Variants in HELZ observed in about 807,000 individuals in gnomAD.
HELZ encodes the protein ATP-dependent RNA helicase with zinc finger domain.
HELZ carries 23 observed loss-of-function variants against 218.2 expected under a neutral mutation model. That is an observed-to-expected ratio of 0.11 (90% CI 0.08 to 0.15). The LOEUF (loss-of-function observed/expected upper bound fraction) is 0.15. Among genes scored for constraint, HELZ ranks in the 10% least tolerant of loss-of-function variants. The pLI is 1.00. For synonymous variants in HELZ, 814 were observed against 829.4 expected, an observed-to-expected ratio of 0.98 and a Z score of 0.32; for missense variants, 1,813 against 2,353.7, an observed-to-expected ratio of 0.77 and a Z score of 4.75.
chr17:67,245,028 CCCCGGGGCCGCCGCG>C (rs1180874624), intron 1 of HELZ, 105 bp downstream of exon 1: 3 of 985,168 alleles, frequency 3.0e-6, no homozygotes, highest in Non-Finnish European at 3.6e-6. Context: ...CCCCAGCCTG[CCCCGGGGCCGCCGCG>C]CCCGGGGTCC....
Position 67,094,333 on chromosome 17 carries a change from A to AAAGAGAG in HELZ, c.5242-7253_5242-7252insCTCTCTT, listed in dbSNP as rs528061407. Reference sequence around the variant, plus strand: ...GGAGACCTGGTCTTGAAAAAAAAAAAAGAGAGAGAGAGAGAGAGAGATACA... The same window carrying AAAGAGAG: ...GGAGACCTGGTCTTGAAAAAAAAAAAAAGAGAGAGAGAGAGAGAGAGAGAGAGATACA... On this transcript the variant is annotated intron_variant, in intron 31 of 32. Coordinates refer to ENST00000358691, the MANE Select transcript of HELZ (RefSeq NM_014877.4). Among the ~76,000 whole-genome samples the AAAGAGAG allele has an allele frequency of 6.6e-4, 97 of 146,632 alleles. 1 individual carries two copies. Among genetic ancestry groups the AAAGAGAG allele is most frequent in the African/African-American group, 2.4e-3 (93 of 38,030 alleles).
chr17:67,245,941 C>G (rs1394679107), upstream of HELZ: 1 of 152,134 alleles, frequency 6.6e-6, no homozygotes, highest in Non-Finnish European at 1.5e-5. Flanking sequence ...TGGGAGCGTC[C>G]GGGCTGCGGA....
At chr17:67,142,218 T>A (rs1211192012) in intron 21 of HELZ, among the ~76,000 whole-genome samples, 2 of 151,546 alleles carry the variant, frequency 1.3e-5, no homozygotes, top group East Asian at 3.9e-4. Context: ...GTGAATGGAT[T>A]AAAAACCCCA....
intron 13 of HELZ, among the ~76,000 whole-genome samples, chr17:67,174,718 A>T (rs1014316730): frequency 6.6e-6 from 1 of 152,036 alleles, no homozygotes; most frequent in Non-Finnish European, 1.5e-5. Context: ...GAATCGCTTG[A>T]ACCCAGGAGG....
At chr17:67,137,382 G>A (rs2143949750) in intron 22 of HELZ, among the ~76,000 whole-genome samples, 1 of 152,248 alleles carries the variant, frequency 6.6e-6, no homozygotes, top group African/African-American at 2.4e-5. Context: ...TGGTACAGTA[G>A]AACTATTTTT....
In HELZ at chr17:67,167,712, T is replaced by C. The variant is rs779228574; in HGVS notation, c.1515A>G (p.Gly505=). The C allele has an allele frequency of 1.9e-6, 3 of 1,614,140 alleles. No individual in the cohort carries two copies. The highest frequency in any genetic ancestry group is 1.7e-6 in the Non-Finnish European group (2 of 1,180,014). The change falls in exon 14 of 33, where the codon GGA becomes GGG. Residue 505 remains glycine, a synonymous_variant. Coordinates refer to ENST00000358691, the MANE Select transcript of HELZ (RefSeq NM_014877.4). ...TAAGCTTAAAGCGACCAAAAAGTTG[T>C]CCATTCTGAGCATACTTTGCACCTC... ...VSGGAKYAQN[G]QLFGRFKLTE... is the part of the protein sequence containing the mutation.
chr17:67,188,463 T>G lies in HELZ; in HGVS notation c.1018A>C (p.Asn340His). ...TTATACACGTAATGATCTAATCCATTTTGGGCCATCTTTCCTCCTATCCAT... is the reference window on the plus strand; with the variant it reads ...TTATACACGTAATGATCTAATCCATGTTGGGCCATCTTTCCTCCTATCCAT... ...QEWIGGKMAQ[N>H]GLDHYVYKVG... The change falls in exon 12 of 33, where the codon AAT becomes CAT. Residue 340 changes from asparagine to histidine, a missense_variant. By Grantham distance (68) the Asn-to-His change is moderately conservative (BLOSUM62 1). Coordinates refer to ENST00000358691, the MANE Select transcript of HELZ (RefSeq NM_014877.4). The surrounding 1 kb of genome is among the most constrained non-coding windows in gnomAD (Gnocchi z 4.1). The G allele has an allele frequency of 6.2e-7, 1 of 1,613,992 alleles. No homozygotes were observed. Among genetic ancestry groups the G allele is most frequent in the Non-Finnish European group, 8.5e-7 (1 of 1,179,866 alleles).
rs1291891328 is a variant in HELZ at position 67,220,709 on chromosome 17, T to A, written c.-18-1887A>T. ...TCTCCCTATGTTGCCCAGCCTGGTA[T>A]CAAAACTCCTGGGCTCAAGCTGTCC... On this transcript the variant is annotated intron_variant, in intron 3 of 32. Coordinates refer to ENST00000358691, the MANE Select transcript of HELZ (RefSeq NM_014877.4). Among the ~76,000 whole-genome samples, 3 of 152,064 alleles carry A rather than the reference T, an allele frequency of 2.0e-5. No individual in the cohort carries two copies. In the East Asian group the frequency reaches 5.8e-4, roughly 29 times the overall value.
intron 31 of HELZ, among the ~76,000 whole-genome samples, chr17:67,096,136 AC>A (rs371255781): frequency 5.0e-5 from 3 of 59,998 alleles, no homozygotes; most frequent in South Asian, 6.7e-4. Flanking sequence ...AAAAAATCCC[AC>A]CCCCCCTCCC....
Position 67,203,403 on chromosome 17 carries a change from C to T in HELZ, c.288G>A (p.Arg96=). 1 of 1,614,156 alleles carries T rather than the reference C, an allele frequency of 6.2e-7. No individual in the cohort carries two copies. The highest frequency in any genetic ancestry group is 1.7e-4 in the Middle Eastern group (1 of 6,060). ...TCAGCTGCATGCAGCAAAGCACTGC[C>T]CGAAAGGCATCTTCTCCCTTGGCCA... is the stretch of plus-strand genomic sequence containing the variant. The part of the protein sequence containing the change: ...EGLAKGEDAF[R]AVLCCMQLKG... The change falls in exon 6 of 33, where the codon CGG becomes CGA. Residue 96 remains arginine, a synonymous_variant. Transcript: ENST00000358691.
At chr17:67,209,017 AAGGAAGGAAGGG>A (rs1382877005) in intron 5 of HELZ, among the ~76,000 whole-genome samples, 2 of 128,418 alleles carry the variant, frequency 1.6e-5, no homozygotes, top group South Asian at 5.6e-4. Flanking sequence ...GGAAGGAAGG[AAGGAAGGAAGGG>A]AGGAAGGGAG....
intron 13 of HELZ, among the ~76,000 whole-genome samples, chr17:67,168,975 C>T (rs1169546161): frequency 1.3e-5 from 2 of 151,948 alleles, no homozygotes; most frequent in Non-Finnish European, 2.9e-5. Flanking sequence ...ACTTGTAATC[C>T]CAGCTACTCA....
At chr17:67,152,322 C>T (rs985824052) in intron 17 of HELZ, among the ~76,000 whole-genome samples, 2 of 151,974 alleles carry the variant, frequency 1.3e-5, no homozygotes, top group African/African-American at 2.4e-5. Flanking sequence ...CTGAGCGGCA[C>T]GGAGGAAGGA....
chr17:67,128,920 ATAAC>A, intron 23 of HELZ, 65 bp from the exon 24 acceptor site: 2 of 1,187,878 alleles, frequency 1.7e-6, no homozygotes, highest in Non-Finnish European at 1.2e-6. Flanking sequence ...ATGAATATAA[ATAAC>A]TAAAGATAAT....
intron 31 of HELZ, among the ~76,000 whole-genome samples, chr17:67,094,727 C>T (rs1360398030): frequency 2.0e-5 from 3 of 152,120 alleles, no homozygotes; most frequent in African/African-American, 7.2e-5. Flanking sequence ...GAGTTTGAGG[C>T]TTAAGTGAGT....
At chr17:67,151,250 T>G (rs776358872) in intron 17 of HELZ, 26 bp from the exon 18 acceptor site, 2 of 1,553,548 alleles carry the variant, frequency 1.3e-6, no homozygotes, top group East Asian at 4.5e-5. Flanking sequence ...ATATTTCTGA[T>G]TTACATTTAC....
intron 28 of HELZ, 81 bp from the exon 29 acceptor site, chr17:67,109,767 T>A: frequency 1.0e-6 from 1 of 986,734 alleles, no homozygotes; most frequent in Non-Finnish European, 1.5e-6. Flanking sequence ...CCCTAACACA[T>A]CTAAAGGATA....
At chr17:67,088,257 G>C (rs1002508053) in intron 31 of HELZ, among the ~76,000 whole-genome samples, 1 of 152,118 alleles carries the variant, frequency 6.6e-6, no homozygotes, top group Admixed American at 6.5e-5. Flanking sequence ...GATAGCAAAT[G>C]ATAAATCTGC....
rs377185380 is a variant in HELZ at position 67,161,073 on chromosome 17, T to C, written c.1899A>G (p.Gln633=). ...GTCGAGGATCCAACTGTTCATCCCA[T>C]TGTCTATGGAAAATAAAAATTTATG... ...TPTIPWSPNR[Q]WDEQLDPRLN... is the part of the protein sequence containing the mutation. The change falls in exon 16 of 33, where the codon CAA becomes CAG. Residue 633 remains glutamine (Q), a synonymous_variant. Coordinates refer to ENST00000358691, the MANE Select transcript of HELZ (RefSeq NM_014877.4). 6.9e-6 allele frequency: 11 copies of C among 1,601,180 alleles called. No individual in the cohort carries two copies. Among genetic ancestry groups the C allele is most frequent in the Admixed American group, 3.5e-5 (2 of 57,296 alleles).
Sources: allele counts gnomAD v4.1 joint callset (sites outside exome capture counted in the v4.1 genomes callset), GRCh38; gene constraint gnomAD v4.1.1; non-coding constraint Gnocchi (gnomAD v3.1); transcripts MANE v1.5; gene names NCBI Gene and HGNC (gene_info 2026-07-23, HGNC 2026-07-21).